PAXIP1: variants seen among roughly 807,000 people sequenced by gnomAD.
PAXIP1 encodes the protein PAX interacting protein 1, also known as PAX-interacting protein 1.
Under a neutral mutation model 140.6 loss-of-function variants are expected in PAXIP1, and 19 were observed. That is an observed-to-expected ratio of 0.14 (90% CI 0.09 to 0.20). The LOEUF (loss-of-function observed/expected upper bound fraction) is 0.20, where lower values mean the gene tolerates loss of function less well. Among genes scored for constraint, PAXIP1 ranks in the 10% least tolerant of loss-of-function variants. The pLI is 1.00. For missense variants in PAXIP1, 920 were observed against 1,208.6 expected, an observed-to-expected ratio of 0.76 and a Z score of 3.54; for synonymous variants, 442 against 444.6, an observed-to-expected ratio of 0.99 and a Z score of 0.07.
intron 16 of PAXIP1, chr7:154,950,433 T>A (rs1212733181): frequency 1.3e-5 from 2 of 152,220 alleles, no homozygotes; most frequent in African/African-American, 4.8e-5. Context: ...AGAAGTAACC[T>A]GGACCTCACC....
At chr7:154,981,706 C>A (rs925515428) in intron 5 of PAXIP1, among the ~76,000 whole-genome samples, 4 of 151,986 alleles carry the variant, frequency 2.6e-5, no homozygotes, top group African/African-American at 9.7e-5. Context: ...GATTTAAGTG[C>A]CTCTTTGTTG....
At position 154,944,136 on chromosome 7, in the gene PAXIP1, A is replaced by C. The variant is rs745783348; in HGVS notation, c.*13T>G. 6.2e-7 allele frequency: 1 copy of C among 1,612,226 alleles called. No homozygotes were observed. ...CACCGCAGGAGTCGACATGCACGGC[A>C]GCCTAGACGCCATCAGTTAAACTTA... On this transcript the variant is annotated 3_prime_UTR_variant, in exon 21 of 21. Transcript: ENST00000404141.
intron 6 of PAXIP1, among the ~76,000 whole-genome samples, chr7:154,975,361 T>G (rs1809522071): frequency 4.6e-5 from 7 of 152,220 alleles, no homozygotes; most frequent in Admixed American, 4.6e-4. Flanking sequence ...TTCATTATTC[T>G]CTTTGCTGCC....
chr7:154,947,624 A>T (rs894472500), intron 17 of PAXIP1: 1 of 324,076 alleles, frequency 3.1e-6, no homozygotes. Context: ...TCAAAAACCT[A>T]TTCTTTGAAT....
chr7:155,002,838 G>C lies in PAXIP1; in HGVS notation c.81+11C>G. On this transcript the variant is annotated intron_variant, in intron 1 of 20. Coordinates refer to ENST00000404141, the MANE Select transcript of PAXIP1 (RefSeq NM_007349.4). ...CGGGGGAGGAGGCCGCGGCAGGGGC[G>C]GGCGCGGTACCTGCGGGTCGATGTC... 1 of 1,359,552 alleles carries C rather than the reference G, an allele frequency of 7.4e-7. No homozygotes were observed. The highest frequency in any genetic ancestry group is 9.7e-7 in the Non-Finnish European group (1 of 1,031,896). 84.2% of individuals were successfully genotyped at this position (1,359,552 alleles called of 1,614,324 possible).
At chr7:154,960,609 C>T (rs751144582) in intron 12 of PAXIP1, among the ~76,000 whole-genome samples, 3 of 152,156 alleles carry the variant, frequency 2.0e-5, no homozygotes, top group Admixed American at 6.5e-5. Flanking sequence ...CCCAGGAGAT[C>T]GAGCTGCAGT....
Position 154,943,777 on chromosome 7 carries a change from C to A in PAXIP1, c.*372G>T. 1 of 202,704 alleles carries A rather than the reference C, an allele frequency of 4.9e-6. No individual in the cohort carries two copies. The highest frequency in any genetic ancestry group is 8.3e-5 in the South Asian group (1 of 12,068). The allele number at this position is 202,704 out of a possible 1,614,324, so 12.6% of individuals were successfully genotyped here. A position where few individuals can be genotyped will look rare whatever the true frequency, so the allele number is the denominator to read the frequency against. ...ATAAGAAATAAAAATAATCAAAGTA[C>A]AAAACATTTCAAATCTTTAACATCC... On this transcript the variant is annotated 3_prime_UTR_variant, in exon 21 of 21. Coordinates refer to ENST00000404141, the MANE Select transcript of PAXIP1 (RefSeq NM_007349.4).
intron 1 of PAXIP1, among the ~76,000 whole-genome samples, chr7:155,002,307 G>A (rs1423917717): frequency 6.6e-6 from 1 of 152,186 alleles, no homozygotes; most frequent in East Asian, 1.9e-4. Context: ...CTGGAAGGGA[G>A]CGCTCCTCAG....
rs1167170370 is a variant in PAXIP1 at position 154,968,631 on chromosome 7, G to A, written c.1570C>T (p.Leu524Phe). The A allele has an allele frequency of 5.6e-6, 4 of 714,522 alleles. No individual in the cohort carries two copies. The highest frequency in any genetic ancestry group is 4.0e-5 in the Admixed American group (2 of 49,654). The allele number at this position is 714,522 out of a possible 1,614,324, so 44.3% of individuals were successfully genotyped here. ...LAQLQQQHSLLQQQQQQQIQQ... is the reference protein window; with the variant it reads ...LAQLQQQHSLFQQQQQQQIQQ... ...ATCTGCTGTTGCTGCTGCTGCTGGA[G>A]CAGGCTGTGCTGCTGCTGGAGCTGG... Residue 524 changes from leucine to phenylalanine, a missense_variant, in exon 7 of 21, where the codon CTC (leucine) becomes TTC (phenylalanine). Physicochemically the swap from Leu to Phe is conservative, Grantham distance 22. Transcript: ENST00000404141.
chr7:154,961,128 A>G, intron 11 of PAXIP1, 51 bp from the exon 12 acceptor site: 1 of 1,311,564 alleles, frequency 7.6e-7, no homozygotes, highest in Non-Finnish European at 1.0e-6. Context: ...AGAGATGTCA[A>G]CTGTCCAAAT....
intron 4 of PAXIP1, among the ~76,000 whole-genome samples, chr7:154,988,380 C>T (rs2150779010): frequency 6.6e-6 from 1 of 152,294 alleles, no homozygotes; most frequent in East Asian, 1.9e-4. Flanking sequence ...ATACCTGTGG[C>T]CCCTGAGTGG....
intron 2 of PAXIP1, among the ~76,000 whole-genome samples, chr7:154,995,559 A>C (rs1357945713): frequency 6.6e-6 from 1 of 152,202 alleles, no homozygotes; most frequent in Non-Finnish European, 1.5e-5. Context: ...CAATATATAA[A>C]AATAAGCTGG....
chr7:154,998,524 A>G, intron 2 of PAXIP1, 126 bp downstream of exon 2: 1 of 538,566 alleles, frequency 1.9e-6, no homozygotes. Context: ...ATAAATAAAT[A>G]AAAAATAAAA....
rs779971324 is a variant in PAXIP1, at chr7:154,998,893, C to T, written c.82-109G>A. The T allele has an allele frequency of 8.9e-6, 8 of 901,418 alleles. No individual in the cohort carries two copies. In the African/African-American group the frequency reaches 1.3e-4, roughly 15 times the overall value. 55.8% of individuals were successfully genotyped at this position (901,418 alleles called of 1,614,324 possible). ...ATAGTACTTTTTAATAAAAACACAC[C>T]ATATTCCCCACATAAAAACTAACAG... On this transcript the variant is annotated intron_variant, in intron 1 of 20. Transcript: ENST00000404141.
At chr7:154,985,638 G>T (rs1348660577) in intron 4 of PAXIP1, among the ~76,000 whole-genome samples, 1 of 152,196 alleles carries the variant, frequency 6.6e-6, no homozygotes, top group Admixed American at 6.5e-5. Flanking sequence ...AAGCAACCAG[G>T]AGCAGAGGAC....
intron 5 of PAXIP1, among the ~76,000 whole-genome samples, chr7:154,977,881 TTTG>T (rs1809658461): frequency 7.6e-6 from 1 of 131,718 alleles, no homozygotes; most frequent in Non-Finnish European, 1.5e-5. Context: ...CTTTTATGCT[TTTG>T]TTTTTAACTT....
intron 20 of PAXIP1, chr7:154,944,410 G>A (rs569822060): frequency 5.1e-6 from 2 of 388,720 alleles, no homozygotes; most frequent in East Asian, 8.7e-5. Context: ...TATCCACCAT[G>A]CGGCCAGAAC....
intron 2 of PAXIP1, among the ~76,000 whole-genome samples, chr7:154,996,443 C>T (rs1190723583): frequency 1.3e-5 from 2 of 152,154 alleles, no homozygotes; most frequent in Non-Finnish European, 2.9e-5. Context: ...GGTGATAATC[C>T]TAGATGCTAA....
Position 154,966,659 on chromosome 7 carries a change from C to T in PAXIP1, c.1893+1157G>A, listed in dbSNP as rs186926481. On this transcript the variant is annotated intron_variant, in intron 8 of 20. Transcript: ENST00000404141. ...TTAAAAAATCTCTGCTGCTGTCCTT[C>T]TCAGAACTGCTCCCTTCCTTCCTCA... 5.1e-4 allele frequency among the ~76,000 whole-genome samples: 78 copies of T among 152,358 alleles called. 1 individual carries two copies. Among genetic ancestry groups the T allele is most frequent in the African/African-American group, 1.8e-3 (76 of 41,578 alleles).
Sources: gnomAD v4.1 joint callset for allele counts (sites outside exome capture counted in the v4.1 genomes callset) on GRCh38, gnomAD v4.1.1 for gene constraint, MANE v1.5 for transcripts, NCBI Gene and HGNC (gene_info 2026-07-23, HGNC 2026-07-21) for gene names.